MAGI2: variants seen among roughly 807,000 people sequenced by gnomAD.
The protein encoded by MAGI2 is membrane-associated guanylate kinase, WW and PDZ domain-containing protein 2.
In MAGI2, 35 loss-of-function variants were observed where a neutral mutation model predicts 133.3. The observed-to-expected ratio is 0.26, with a 90% CI of 0.20 to 0.35. The LOEUF (loss-of-function observed/expected upper bound fraction) is 0.35. Among genes scored for constraint, MAGI2 ranks in the 10% least tolerant of loss-of-function variants. The pLI is 1.00. For missense variants in MAGI2, 1,636 were observed against 1,863.4 expected, an observed-to-expected ratio of 0.88 and a Z score of 2.25; for synonymous variants, 729 against 710.6, an observed-to-expected ratio of 1.03 and a Z score of -0.41.
At chr7:78,658,562 A>G (rs1250204196) in intron 2 of MAGI2, among the ~76,000 whole-genome samples, 1 of 152,178 alleles carries the variant, frequency 6.6e-6, no homozygotes, top group Non-Finnish European at 1.5e-5. Context: ...AAATATTTGC[A>G]TATCACCACA....
chr7:79,215,321 G>T (rs1023155526), intron 1 of MAGI2, among the ~76,000 whole-genome samples: 1 of 151,944 alleles, frequency 6.6e-6, no homozygotes, highest in African/African-American at 2.4e-5. Flanking sequence ...AAATGGCCCC[G>T]CAAAACTGTC....
chr7:79,400,412 T>A (rs186383366), intron 1 of MAGI2, among the ~76,000 whole-genome samples: 1 of 152,246 alleles, frequency 6.6e-6, no homozygotes, highest in Non-Finnish European at 1.5e-5. Flanking sequence ...GTCATAGTGC[T>A]GACTTTGCAT....
At chr7:79,400,007 G>A (rs942589513) in intron 1 of MAGI2, among the ~76,000 whole-genome samples, 1 of 152,200 alleles carries the variant, frequency 6.6e-6, no homozygotes, top group African/African-American at 2.4e-5. Flanking sequence ...ATATGTGAGT[G>A]CAGCAAAGGC....
intron 1 of MAGI2, among the ~76,000 whole-genome samples, chr7:79,407,205 A>G (rs948184747): frequency 2.0e-5 from 3 of 152,200 alleles, no homozygotes; most frequent in African/African-American, 4.8e-5. Flanking sequence ...TTGACCTGAT[A>G]TTCATACCCA....
chr7:79,049,203 G>A (rs1005349072), intron 1 of MAGI2, among the ~76,000 whole-genome samples: 6 of 152,032 alleles, frequency 3.9e-5, no homozygotes, highest in African/African-American at 1.4e-4. Context: ...TTATTTCAAT[G>A]AACATTAAAT....
In MAGI2 at chr7:78,744,536, G is replaced by T. The variant is rs907626710; in HGVS notation, c.419-117297C>A. The stretch of plus-strand genomic sequence containing the variant: ...CTGCTAGTCCCACTAACAAAAAAAC[G>T]TATCTCATTTAATTTGGTACCTTGT... On this transcript the variant is annotated intron_variant, in intron 2 of 21. Coordinates refer to ENST00000354212, the MANE Select transcript of MAGI2 (RefSeq NM_012301.4). Among the ~76,000 whole-genome samples the T allele has an allele frequency of 7.2e-5, 11 of 151,986 alleles. No homozygotes were observed. The South Asian group carries it at 8.3e-4, about 11-fold the overall frequency.
At chr7:79,423,161 C>T (rs969269630) in intron 1 of MAGI2, among the ~76,000 whole-genome samples, 7 of 151,852 alleles carry the variant, frequency 4.6e-5, no homozygotes, top group Admixed American at 1.3e-4. Flanking sequence ...AATAAATATA[C>T]GTATTGGTAC....
intron 1 of MAGI2, among the ~76,000 whole-genome samples, chr7:79,164,588 C>T (rs1288286053): frequency 6.6e-6 from 1 of 151,978 alleles, no homozygotes; most frequent in African/African-American, 2.4e-5. Context: ...GAACCTTGGT[C>T]TCCACAGTCT....
intron 4 of MAGI2, among the ~76,000 whole-genome samples, chr7:78,505,604 T>C (rs1454936703): frequency 6.6e-6 from 1 of 152,218 alleles, no homozygotes; most frequent in Non-Finnish European, 1.5e-5. Context: ...AGTTATACAA[T>C]ATTCAGTTAA....
intron 2 of MAGI2, among the ~76,000 whole-genome samples, chr7:78,809,061 A>T (rs1206393278): frequency 6.6e-6 from 1 of 152,212 alleles, no homozygotes; most frequent in Non-Finnish European, 1.5e-5. Flanking sequence ...ATAACTTAAC[A>T]TTGATGGTGA....
At chr7:78,458,939 C>G (rs1425806560) in intron 6 of MAGI2, among the ~76,000 whole-genome samples, 1 of 152,104 alleles carries the variant, frequency 6.6e-6, no homozygotes, top group Non-Finnish European at 1.5e-5. Flanking sequence ...GGGCTCATTA[C>G]TTTTTTTCTG....
intron 2 of MAGI2, among the ~76,000 whole-genome samples, chr7:78,654,730 TATATATATATATATATATAG>T (rs1486615862): frequency 8.2e-6 from 1 of 121,976 alleles, no homozygotes; most frequent in Admixed American, 8.3e-5. Context: ...TATATATATA[TATATATATATATATATATAG>T]CATATATTTT....
At chr7:78,837,547 T>C (rs1182319618) in intron 2 of MAGI2, among the ~76,000 whole-genome samples, 1 of 152,140 alleles carries the variant, frequency 6.6e-6, no homozygotes, top group East Asian at 1.9e-4. Flanking sequence ...ATTCATCAGG[T>C]AATTAATTTC....
chr7:78,140,060 C>A (rs1023115160), intron 16 of MAGI2, among the ~76,000 whole-genome samples: 9 of 152,120 alleles, frequency 5.9e-5, no homozygotes, highest in African/African-American at 2.2e-4. Context: ...GGGATCCTCC[C>A]TTTTTTGCTG....
chr7:79,052,043 A>G (rs1415728457), intron 1 of MAGI2, among the ~76,000 whole-genome samples: 3 of 152,060 alleles, frequency 2.0e-5, no homozygotes, highest in African/African-American at 7.3e-5. Flanking sequence ...AGTTCCTAAC[A>G]CTCCCAATAG....
intron 2 of MAGI2, among the ~76,000 whole-genome samples, chr7:78,763,299 T>C (rs992369011): frequency 2.0e-5 from 3 of 152,192 alleles, no homozygotes; most frequent in Non-Finnish European, 2.9e-5. Context: ...TGCAGCACCA[T>C]ACAAAGGCTT....
chr7:78,464,548 A>C (rs1368225865), intron 6 of MAGI2, among the ~76,000 whole-genome samples: 1 of 152,110 alleles, frequency 6.6e-6, no homozygotes, highest in Non-Finnish European at 1.5e-5. Flanking sequence ...AAGACTCAAA[A>C]GTGTTCATAA....
intron 2 of MAGI2, among the ~76,000 whole-genome samples, chr7:78,981,635 A>G (rs1428310923): frequency 6.6e-6 from 1 of 151,848 alleles, no homozygotes; most frequent in African/African-American, 2.4e-5. Flanking sequence ...TTTCAGAGGT[A>G]GATTGTACCC....
At chr7:78,854,563 G>T (rs760348297) in intron 2 of MAGI2, among the ~76,000 whole-genome samples, 9 of 151,822 alleles carry the variant, frequency 5.9e-5, no homozygotes, top group African/African-American at 2.2e-4. Flanking sequence ...AACAACAGCC[G>T]TTATAATTAT....
Sources: gnomAD v4.1 joint callset for allele counts (sites outside exome capture counted in the v4.1 genomes callset) on GRCh38, gnomAD v4.1.1 for gene constraint, MANE v1.5 for transcripts, NCBI Gene and HGNC (gene_info 2026-07-23, HGNC 2026-07-21) for gene names.